MRPL58: variants seen among roughly 807,000 people sequenced by gnomAD.
MRPL58 encodes large ribosomal subunit protein mL62.
MRPL58 carries 17 observed loss-of-function variants against 26.0 expected under a neutral mutation model. That is an observed-to-expected ratio of 0.65 (90% confidence interval 0.45 to 0.98). MRPL58 has a LOEUF of 0.98. Ranked by LOEUF, MRPL58 falls within the 50% of genes least tolerant of loss-of-function variation. The pLI is 0.00. For missense variants in MRPL58, 250 were observed against 269.0 expected, an observed-to-expected ratio of 0.93 and a Z score of 0.49; for synonymous variants, 100 against 99.7, an observed-to-expected ratio of 1.00 and a Z score of -0.02.
At position 75,020,377 on chromosome 17, in the gene MRPL58, G is replaced by A. The variant is rs2040006741; in HGVS notation, c.348G>A (p.Arg116=). The change falls in exon 4 of 6, where the codon CGG becomes CGA. Residue 116 remains arginine (R), a synonymous_variant. Coordinates refer to ENST00000301585, the MANE Select transcript of MRPL58 (RefSeq NM_001545.3). The part of the protein sequence containing the change: ...ATAEWIAEPV[R]QKIAITHKNK... ...CCGAGTGGATCGCGGAGCCCGTGCG[G>A]CAGAAGATAGCCATCACGGTAACCA... 1 of 1,614,006 alleles carries A rather than the reference G, an allele frequency of 6.2e-7. No individual in the cohort carries two copies. The highest frequency in any genetic ancestry group is 1.3e-5 in the African/African-American group (1 of 74,898).
intron 4 of MRPL58, 25 bp from the exon 5 acceptor site, chr17:75,020,463 C>T (rs769285806): frequency 6.2e-7 from 1 of 1,613,806 alleles, no homozygotes; most frequent in South Asian, 1.1e-5. Context: ...CTGTAGGACT[C>T]CAGTTTTTCA....
At chr17:75,015,616 G>A (rs1039879143) in intron 1 of MRPL58, among the ~76,000 whole-genome samples, 1 of 152,328 alleles carries the variant, frequency 6.6e-6, no homozygotes, top group South Asian at 2.1e-4. Context: ...GCAAAGGAGA[G>A]TGAGAAAGAG....
intron 2 of MRPL58, among the ~76,000 whole-genome samples, chr17:75,017,521 G>A (rs1008258805): frequency 2.0e-5 from 3 of 152,196 alleles, no homozygotes; most frequent in Admixed American, 6.5e-5. Flanking sequence ...GGCCAAGGCA[G>A]CTGGATCATC....
intron 2 of MRPL58, chr17:75,018,574 CTATCTGTGTAGAGAGATATCTA>C (rs985096544): frequency 6.6e-6 from 1 of 152,058 alleles, no homozygotes; most frequent in African/African-American, 2.4e-5. Context: ...ATTTATATCC[CTATCTGTGTAGAGAGATATCTA>C]TATCTGAAAG....
At chr17:75,015,327 T>A in intron 1 of MRPL58, among the ~76,000 whole-genome samples, 1 of 152,062 alleles carries the variant, frequency 6.6e-6, no homozygotes, top group Non-Finnish European at 1.5e-5. Context: ...CTACTAAAAA[T>A]ACAAAAATTA....
intron 1 of MRPL58, among the ~76,000 whole-genome samples, chr17:75,013,960 C>G (rs2039952763): frequency 6.6e-6 from 1 of 152,128 alleles, no homozygotes. Flanking sequence ...TTACAAGGAT[C>G]ACTCAGAGAG....
At chr17:75,015,971 G>C (rs1161293601) in intron 1 of MRPL58, among the ~76,000 whole-genome samples, 5 of 151,632 alleles carry the variant, frequency 3.3e-5, no homozygotes, top group Admixed American at 3.3e-4. Context: ...TTTTAGTAGA[G>C]GGGAGGTTTC....
chr17:75,020,047 A>G (rs1598670318), intron 3 of MRPL58, among the ~76,000 whole-genome samples: 1 of 144,666 alleles, frequency 6.9e-6, no homozygotes, highest in East Asian at 2.0e-4. Context: ...GGTGCAACCC[A>G]TTCCCTCCAT....
chr17:75,012,762 C>T lies in MRPL58; in HGVS notation c.76C>T (p.Pro26Ser). 2 of 1,596,450 alleles carry T rather than the reference C, an allele frequency of 1.3e-6. No individual in the cohort carries two copies. Among genetic ancestry groups the T allele is most frequent in the Non-Finnish European group, 1.7e-6 (2 of 1,172,818 alleles). The change falls in exon 1 of 6, where the codon CCA (proline) becomes TCA (serine). Residue 26 changes from proline to serine, a missense_variant. Transcript: ENST00000301585. ...GCTGCTCCCACCGCCCGCACGGTGCCCACGCCGGGCGCTGCACAAGCAGAA... is the reference window on the plus strand; with the variant it reads ...GCTGCTCCCACCGCCCGCACGGTGCTCACGCCGGGCGCTGCACAAGCAGAA... ...VWLLPPPARC[P>S]RRALHKQKDG... is the part of the protein sequence containing the mutation.
chr17:75,014,610 A>C (rs1296491028), intron 1 of MRPL58, among the ~76,000 whole-genome samples: 1 of 151,634 alleles, frequency 6.6e-6, no homozygotes, highest in Non-Finnish European at 1.5e-5. Context: ...TGCCCGACTC[A>C]TATTTTTGCA....
chr17:75,019,743 G>A lies in MRPL58; in HGVS notation c.267G>A (p.Gly89=), dbSNP rs1567981069. The change falls in exon 3 of 6, where the codon GGG becomes GGA. Residue 89 remains glycine, a synonymous_variant. Coordinates refer to ENST00000301585, the MANE Select transcript of MRPL58 (RefSeq NM_001545.3). ...ISYCRSSGPG[G]QNVNKVNSKA... is the part of the protein sequence containing the mutation. ...ATTGTCGGAGTAGTGGTCCTGGGGG[G>A]CAGAATGTGAACAAAGGTACGGGGT... The A allele has an allele frequency of 4.4e-6, 7 of 1,606,668 alleles. No individual in the cohort carries two copies. The highest frequency in any genetic ancestry group is 5.1e-6 in the Non-Finnish European group (6 of 1,174,896).
intron 1 of MRPL58, among the ~76,000 whole-genome samples, chr17:75,015,612 G>T (rs1383614702): frequency 6.6e-6 from 1 of 152,188 alleles, no homozygotes; most frequent in Non-Finnish European, 1.5e-5. Flanking sequence ...GCTAGCAAAG[G>T]AGAGTGAGAA....
Position 75,020,388 on chromosome 17 carries a change from C to T in MRPL58, c.359C>T (p.Ala120Val), listed in dbSNP as rs757357461. 7 of 1,614,084 alleles carry T rather than the reference C, an allele frequency of 4.3e-6. No individual in the cohort carries two copies. In the South Asian group the frequency reaches 7.7e-5, roughly 18 times the overall value. ...GCGGAGCCCGTGCGGCAGAAGATAG[C>T]CATCACGGTAACCACCATCCCTTTC... The part of the protein sequence containing the change: ...WIAEPVRQKI[A>V]ITHKNKINRL... The change falls in exon 4 of 6, where the codon GCC becomes GTC. Residue 120 changes from alanine to valine, a missense_variant. Physicochemically the swap from Ala to Val is moderately conservative, Grantham distance 64. Coordinates refer to ENST00000301585, the MANE Select transcript of MRPL58 (RefSeq NM_001545.3).
intron 2 of MRPL58, among the ~76,000 whole-genome samples, chr17:75,019,166 C>CA (rs893682041): frequency 4.6e-5 from 7 of 150,752 alleles, no homozygotes; most frequent in Admixed American, 2.0e-4. Flanking sequence ...CTAAGGGGTG[C>CA]ATGTGTGTAG....
chr17:75,020,163 G>T (rs189355803), intron 3 of MRPL58, 150 bp from the exon 4 acceptor site: 25 of 653,118 alleles, frequency 3.8e-5, no homozygotes, highest in Non-Finnish European at 6.2e-5. Context: ...GTCTTTGCGG[G>T]CTTGTTCATA....
At chr17:75,014,528 C>T (rs1198399318) in intron 1 of MRPL58, among the ~76,000 whole-genome samples, 3 of 150,198 alleles carry the variant, frequency 2.0e-5, no homozygotes, top group African/African-American at 7.4e-5. Context: ...ACTGCAACCT[C>T]CGCCTCCTGG....
At chr17:75,016,335 G>C (rs2039973858) in intron 1 of MRPL58, among the ~76,000 whole-genome samples, 1 of 151,900 alleles carries the variant, frequency 6.6e-6, no homozygotes, top group Admixed American at 6.6e-5. Flanking sequence ...AGAATCACTT[G>C]AACCCAAGAG....
At chr17:75,018,388 C>T (rs62086350) in intron 2 of MRPL58, among the ~76,000 whole-genome samples, 38,325 of 151,812 alleles carry the variant, frequency 0.25, 5,981 homozygotes, top group Admixed American at 0.4. Context: ...CCCACCACCA[C>T]GCCCGGCTAA....
At chr17:75,017,308 A>T (rs928284904) in intron 2 of MRPL58, among the ~76,000 whole-genome samples, 194 bp downstream of exon 2, 15 of 142,858 alleles carry the variant, frequency 1.0e-4, no homozygotes, top group African/African-American at 1.6e-4. Context: ...ATTAAAAATT[A>T]AAAAAAAAAA....
Sources: allele counts gnomAD v4.1 joint callset (sites outside exome capture counted in the v4.1 genomes callset), GRCh38; gene constraint gnomAD v4.1.1; transcripts MANE v1.5; gene names NCBI Gene and HGNC (gene_info 2026-07-23, HGNC 2026-07-21).